RBFOX1: variants seen among roughly 807,000 people sequenced by gnomAD.
RBFOX1 encodes the protein RNA binding protein fox-1 homolog 1.
RBFOX1 carries 8 observed loss-of-function variants against 57.7 expected under a neutral mutation model. The ratio of observed to expected loss-of-function variants is 0.14; its 90% CI spans 0.08 to 0.25. RBFOX1 has a LOEUF of 0.25. RBFOX1 is among the 10% of genes least tolerant of loss of function. The pLI is 1.00. For synonymous variants in RBFOX1, 326 were observed against 222.4 expected, an observed-to-expected ratio of 1.47 and a Z score of -4.15; for missense variants, 611 against 548.5, an observed-to-expected ratio of 1.11 and a Z score of -1.14.
chr16:5,268,315 C>T (rs2062913797), intron 1 of RBFOX1, among the ~76,000 whole-genome samples: 1 of 152,184 alleles, frequency 6.6e-6, no homozygotes, highest in Admixed American at 6.5e-5. Flanking sequence ...GGATTCTTAG[C>T]ATCTTTCGTT....
chr16:7,091,710 T>C (rs938724919), intron 4 of RBFOX1, among the ~76,000 whole-genome samples: 17 of 152,174 alleles, frequency 1.1e-4, no homozygotes, highest in Admixed American at 9.2e-4. Flanking sequence ...TTTCACCCCA[T>C]CCTCAGTACT....
intron 3 of RBFOX1, among the ~76,000 whole-genome samples, chr16:5,830,522 G>A (rs1597412547): frequency 6.6e-6 from 1 of 152,132 alleles, no homozygotes; most frequent in Non-Finnish European, 1.5e-5. Flanking sequence ...TGACCCTCGG[G>A]AGAAAGGGGT....
At chr16:6,941,167 C>T (rs951564827) in intron 3 of RBFOX1, among the ~76,000 whole-genome samples, 16 of 151,944 alleles carry the variant, frequency 1.1e-4, no homozygotes, top group Admixed American at 3.9e-4. Flanking sequence ...GGAAATCCAT[C>T]AGCAGACTCT....
intron 1 of RBFOX1, among the ~76,000 whole-genome samples, chr16:5,368,170 T>A (rs997576972): frequency 6.6e-6 from 1 of 152,258 alleles, no homozygotes; most frequent in African/African-American, 2.4e-5. Flanking sequence ...TCTGTTTGAA[T>A]GATGTCAACG....
At chr16:6,304,607 G>C (rs1375648843) in intron 1 of RBFOX1, among the ~76,000 whole-genome samples, 1 of 152,130 alleles carries the variant, frequency 6.6e-6, no homozygotes, top group Non-Finnish European at 1.5e-5. Context: ...TTGGTGACCA[G>C]CATGGTGGTG....
chr16:5,568,169 C>T (rs2046139834), intron 2 of RBFOX1, among the ~76,000 whole-genome samples: 2 of 152,190 alleles, frequency 1.3e-5, no homozygotes, highest in African/African-American at 2.4e-5. Flanking sequence ...TCCAGCCTTC[C>T]CCTGTGCCCT....
chr16:7,627,958 T>C (rs902497792), intron 10 of RBFOX1, among the ~76,000 whole-genome samples: 22 of 151,882 alleles, frequency 1.4e-4, no homozygotes, highest in Admixed American at 8.5e-4. Context: ...AAAGAAAATA[T>C]TTCAGTCCAG....
intron 3 of RBFOX1, among the ~76,000 whole-genome samples, chr16:6,689,411 C>T (rs940335390): frequency 2.0e-5 from 3 of 152,092 alleles, no homozygotes; most frequent in Non-Finnish European, 2.9e-5. Context: ...ATAGATAATA[C>T]TTTTTTCCTA....
chr16:6,754,095 G>C (rs948807584), intron 3 of RBFOX1, among the ~76,000 whole-genome samples: 4 of 152,238 alleles, frequency 2.6e-5, no homozygotes, highest in Admixed American at 6.5e-5. Flanking sequence ...TTTTACCTAA[G>C]TATTTTGAGC....
intron 3 of RBFOX1, among the ~76,000 whole-genome samples, chr16:6,964,716 G>C (rs1435363990): frequency 6.6e-6 from 1 of 152,178 alleles, no homozygotes; most frequent in East Asian, 1.9e-4. Context: ...TCTCTGATGA[G>C]GTAAGGTCCG....
chr16:7,278,565 G>A (rs879876939), intron 4 of RBFOX1, among the ~76,000 whole-genome samples: 1 of 152,160 alleles, frequency 6.6e-6, no homozygotes, highest in African/African-American at 2.4e-5. Flanking sequence ...ATGACTGTCT[G>A]TGGGATGCAT....
At chr16:5,441,753 C>T (rs886170597) in intron 1 of RBFOX1, among the ~76,000 whole-genome samples, 1 of 152,114 alleles carries the variant, frequency 6.6e-6, no homozygotes, top group Non-Finnish European at 1.5e-5. Context: ...GAAAACATGT[C>T]CTTCTTCACA....
chr16:5,933,348 A>C (rs549488217), intron 4 of RBFOX1, among the ~76,000 whole-genome samples: 3 of 152,302 alleles, frequency 2.0e-5, no homozygotes, highest in African/African-American at 7.2e-5. Flanking sequence ...TCCCTGAGGC[A>C]AACTGAGGGC....
chr16:7,621,606 C>A (rs1376733971), intron 10 of RBFOX1, among the ~76,000 whole-genome samples: 1 of 152,072 alleles, frequency 6.6e-6, no homozygotes, highest in Non-Finnish European at 1.5e-5. Context: ...AAATTTTGAG[C>A]AAATATTTTT....
chr16:6,713,890 G>T (rs1170924295), intron 3 of RBFOX1, among the ~76,000 whole-genome samples: 2 of 152,172 alleles, frequency 1.3e-5, no homozygotes. Flanking sequence ...GGAGAATTTG[G>T]ACAGGAAGAT....
At chr16:5,732,073 A>T (rs987335889) in intron 3 of RBFOX1, among the ~76,000 whole-genome samples, 4 of 152,148 alleles carry the variant, frequency 2.6e-5, no homozygotes, top group Non-Finnish European at 5.9e-5. Context: ...TTCATATTCT[A>T]ATGAATAAAT....
chr16:6,701,968 G>C (rs773381260), intron 3 of RBFOX1, among the ~76,000 whole-genome samples: 1 of 152,132 alleles, frequency 6.6e-6, no homozygotes, highest in South Asian at 2.1e-4. Flanking sequence ...GGAGGAGGGT[G>C]AGGCTCAAAA....
chr16:7,262,677 G>A (rs545568847), intron 4 of RBFOX1, among the ~76,000 whole-genome samples: 256 of 152,362 alleles, frequency 1.7e-3, no homozygotes, highest in African/African-American at 5.8e-3. Flanking sequence ...CAAGGAGGGC[G>A]TGGAGGTGTC....
At chr16:5,402,779 G>C (rs555218901) in intron 1 of RBFOX1, among the ~76,000 whole-genome samples, 3 of 152,202 alleles carry the variant, frequency 2.0e-5, no homozygotes, top group Admixed American at 2.0e-4. Flanking sequence ...GAAATCTGTA[G>C]GTTGGTTCCT....
Sources: allele counts gnomAD v4.1 joint callset (sites outside exome capture counted in the v4.1 genomes callset), GRCh38; gene constraint gnomAD v4.1.1; transcripts MANE v1.5; gene names NCBI Gene and HGNC (gene_info 2026-07-23, HGNC 2026-07-21).